The following RTTN variants were observed in gnomAD, a reference collection of about 807,000 sequenced individuals.
RTTN encodes the protein rotatin.
Under a neutral mutation model 269.2 loss-of-function variants are expected in RTTN, and 182 were observed. The ratio of observed to expected loss-of-function variants is 0.68; its 90% CI spans 0.60 to 0.76. The LOEUF is 0.76. RTTN is among the 30% of genes least tolerant of loss of function. The pLI, the probability that RTTN is intolerant of heterozygous loss-of-function variation, is 0.00. For synonymous variants in RTTN, 1,006 were observed against 963.5 expected, an observed-to-expected ratio of 1.04 and a Z score of -0.82; for missense variants, 2,545 against 2,608.6, an observed-to-expected ratio of 0.98 and a Z score of 0.53.
chr18:70,096,270 T>C (rs927289136), intron 28 of RTTN, among the ~76,000 whole-genome samples: 1 of 152,192 alleles, frequency 6.6e-6, no homozygotes, highest in Non-Finnish European at 1.5e-5. Flanking sequence ...AGGAGTTTGT[T>C]ATTACCTACC....
At chr18:70,026,970 C>A (rs1418493630) in intron 43 of RTTN, among the ~76,000 whole-genome samples, 2 of 152,186 alleles carry the variant, frequency 1.3e-5, no homozygotes, top group Non-Finnish European at 2.9e-5. Flanking sequence ...CTGTGCTCTG[C>A]TCTATCATGC....
At chr18:70,157,124 C>A in intron 14 of RTTN, among the ~76,000 whole-genome samples, 1 of 152,306 alleles carries the variant, frequency 6.6e-6, no homozygotes. Context: ...CCTGCCAGTG[C>A]GCACTTGCCC....
intron 28 of RTTN, among the ~76,000 whole-genome samples, chr18:70,108,551 A>G (rs1599588633): frequency 6.6e-6 from 1 of 152,330 alleles, no homozygotes; most frequent in South Asian, 2.1e-4. Flanking sequence ...AAGAGAAAAA[A>G]GATGCAAAAT....
At chr18:70,037,322 T>C (rs2057205114) in intron 40 of RTTN, among the ~76,000 whole-genome samples, 1 of 152,166 alleles carries the variant, frequency 6.6e-6, no homozygotes. Context: ...ACACCATTTC[T>C]CCCTCAATCC....
chr18:70,197,293 C>T (rs1351101577), intron 6 of RTTN, among the ~76,000 whole-genome samples: 3 of 152,182 alleles, frequency 2.0e-5, no homozygotes, highest in Non-Finnish European at 2.9e-5. Context: ...GTTAAATAAA[C>T]GAGATACTCA....
intron 10 of RTTN, among the ~76,000 whole-genome samples, chr18:70,180,074 A>C (rs898278028): frequency 6.6e-6 from 1 of 151,916 alleles, no homozygotes; most frequent in South Asian, 2.1e-4. Context: ...AGAACTATCC[A>C]TGCCTCTTTG....
At chr18:70,140,921 T>C (rs2060241143) in intron 19 of RTTN, among the ~76,000 whole-genome samples, 4 of 152,058 alleles carry the variant, frequency 2.6e-5, no homozygotes, top group Admixed American at 2.6e-4. Context: ...GAAAAACACA[T>C]ACACTCACAT....
intron 14 of RTTN, among the ~76,000 whole-genome samples, chr18:70,164,579 A>G (rs1173511947): frequency 6.6e-6 from 1 of 152,176 alleles, no homozygotes; most frequent in Non-Finnish European, 1.5e-5. Flanking sequence ...AAAGCTGAGG[A>G]AAGAATTAGT....
intron 21 of RTTN, among the ~76,000 whole-genome samples, chr18:70,137,545 G>C (rs118062061): frequency 0.016 from 2,475 of 151,966 alleles, 26 homozygotes; most frequent in Middle Eastern, 0.031. Context: ...GGCCCTGCAC[G>C]AACTGCCCTC....
At chr18:70,173,277 G>C (rs149826068) in intron 11 of RTTN, among the ~76,000 whole-genome samples, 2,495 of 152,164 alleles carry the variant, frequency 0.016, 66 homozygotes, top group African/African-American at 0.055. Context: ...GGCAAAACAA[G>C]AGGTCAAGAG....
chr18:70,146,075 G>A lies in RTTN; in HGVS notation c.2310-292C>T, dbSNP rs2060384730. On this transcript the variant is annotated intron_variant, in intron 17 of 48. Coordinates refer to ENST00000640769, the MANE Select transcript of RTTN (RefSeq NM_173630.4). ...AGTAAACTTCAATAAGTACATCTGC[G>A]AATTAAATCAATAACTCCTGTCTTC... 2.0e-5 allele frequency among the ~76,000 whole-genome samples: 3 copies of A among 152,068 alleles called. No individual in the cohort carries two copies. In the South Asian group the frequency reaches 6.2e-4, roughly 32 times the overall value.
chr18:70,023,516 T>C (rs140583373), intron 44 of RTTN, among the ~76,000 whole-genome samples: 2 of 152,326 alleles, frequency 1.3e-5, no homozygotes, highest in African/African-American at 4.8e-5. Context: ...TTCTTTTAAA[T>C]CTTCCCCATT....
chr18:70,090,237 C>G (rs2058807880), intron 30 of RTTN, among the ~76,000 whole-genome samples: 1 of 152,168 alleles, frequency 6.6e-6, no homozygotes, highest in Non-Finnish European at 1.5e-5. Flanking sequence ...GGAATACATT[C>G]CAAGACCCCC....
intron 32 of RTTN, among the ~76,000 whole-genome samples, chr18:70,080,191 T>G (rs936919004): frequency 7.9e-5 from 12 of 152,252 alleles, no homozygotes; most frequent in African/African-American, 2.9e-4. Flanking sequence ...AGCTGACTAT[T>G]TAAAACATAT....
At chr18:70,092,342 ATCCATTAT>A (rs1376900102) in intron 29 of RTTN, 122 bp from the exon 30 acceptor site, 21 of 715,048 alleles carry the variant, frequency 2.9e-5, no homozygotes, top group Non-Finnish European at 4.7e-5. Context: ...CTTGGTTTTA[ATCCATTAT>A]TCAGCCAAAA....
At chr18:70,178,274 T>C (rs2061348944) in intron 10 of RTTN, among the ~76,000 whole-genome samples, 1 of 152,162 alleles carries the variant, frequency 6.6e-6, no homozygotes. Flanking sequence ...GGAATTAAAT[T>C]CTGATACATG....
chr18:70,149,140 C>G, intron 16 of RTTN, 103 bp from the exon 17 acceptor site: 1 of 954,060 alleles, frequency 1.0e-6, no homozygotes, highest in Non-Finnish European at 1.6e-6. Flanking sequence ...TCATAAATGT[C>G]TTTGGATTCA....
At chr18:70,203,040 C>T (rs1158098338) in intron 3 of RTTN, among the ~76,000 whole-genome samples, 1 of 151,370 alleles carries the variant, frequency 6.6e-6, no homozygotes, top group Non-Finnish European at 1.5e-5. Flanking sequence ...CAAATCAATT[C>T]AAATGCATTC....
In RTTN at chr18:70,145,636, A is replaced by G; in HGVS notation, c.2457T>C (p.Asp819=). Reference sequence around the variant, plus strand: ...CCTTAATAACCAGCTCTCTTCTGTCATCCAGTCTGAGTTCAATAGGTTTCT... The same window carrying G: ...CCTTAATAACCAGCTCTCTTCTGTCGTCCAGTCTGAGTTCAATAGGTTTCT... ...IGKKPIELRL[D]DRRELVIKLE... Residue 819 remains aspartate, a synonymous_variant, in exon 18 of 49, where the codon GAT becomes GAC. Coordinates refer to ENST00000640769, the MANE Select transcript of RTTN (RefSeq NM_173630.4). 6.2e-7 allele frequency: 1 copy of G among 1,608,544 alleles called. No individual in the cohort carries two copies. Among genetic ancestry groups the G allele is most frequent in the Non-Finnish European group, 8.5e-7 (1 of 1,178,196 alleles).
Sources: gnomAD v4.1 joint callset for allele counts (sites outside exome capture counted in the v4.1 genomes callset) on GRCh38, gnomAD v4.1.1 for gene constraint, MANE v1.5 for transcripts, NCBI Gene and HGNC (gene_info 2026-07-23, HGNC 2026-07-21) for gene names.